KCNAB2: variants seen among roughly 807,000 people sequenced by gnomAD.
KCNAB2 encodes the protein voltage-gated potassium channel subunit beta-2.
Under a neutral mutation model 63.6 loss-of-function variants are expected in KCNAB2, and 29 were observed. The ratio of observed to expected loss-of-function variants is 0.46; its 90% CI spans 0.34 to 0.62. The LOEUF is 0.62. Ranked by LOEUF, KCNAB2 falls within the 20% of genes least tolerant of loss-of-function variation. The pLI is 0.01. For synonymous variants in KCNAB2, 222 were observed against 224.2 expected, an observed-to-expected ratio of 0.99 and a Z score of 0.09; for missense variants, 359 against 563.9, an observed-to-expected ratio of 0.64 and a Z score of 3.68.
At chr1:6,038,884 G>T (rs1182448750) in intron 1 of KCNAB2, among the ~76,000 whole-genome samples, 2 of 152,378 alleles carry the variant, frequency 1.3e-5, no homozygotes, top group Middle Eastern at 3.4e-3. Context: ...GCTGTTTTGA[G>T]CCCAGACCAT....
rs546075792 is a variant in KCNAB2 at position 6,005,922 on chromosome 1, C to A, written c.-53+13134C>A. 3.3e-4 allele frequency among the ~76,000 whole-genome samples: 32 copies of A among 97,142 alleles called. No individual in the cohort carries two copies. In the South Asian group the frequency reaches 7.9e-3, roughly 24 times the overall value. The allele number at this position is 97,142 out of a possible 152,430, so 63.7% of individuals were successfully genotyped here. A position where few individuals can be genotyped will look rare whatever the true frequency, so the allele number is the denominator to read the frequency against. On this transcript the variant is annotated intron_variant, in intron 1 of 16. Coordinates refer to the KCNAB2 transcript ENST00000341524. ...TCACCCCTCAGCTCAGCTCCCACATCCCCCCACTCCACCCTCACCCCTCAG... is the reference window on the plus strand; with the variant it reads ...TCACCCCTCAGCTCAGCTCCCACATACCCCCACTCCACCCTCACCCCTCAG...
In KCNAB2 at chr1:5,994,013, G is replaced by A. The variant is rs186884342; in HGVS notation, c.-53+1225G>A. 1.3e-5 allele frequency among the ~76,000 whole-genome samples: 2 copies of A among 152,304 alleles called. No homozygotes were observed. The highest frequency in any genetic ancestry group is 2.4e-5 in the African/African-American group (1 of 41,564). ...CCCTGTGTTGAACTGTGTCCAAGGG[G>A]AGATGACATAAGTAATAGCTCTTGG... On this transcript the variant is annotated intron_variant, in intron 1 of 16. Transcript: ENST00000341524. This position sits in a 1 kb window ranked among gnomAD's most constrained non-coding sequence, Gnocchi z 5.4.
intron 10 of KCNAB2, among the ~76,000 whole-genome samples, chr1:6,093,420 T>C (rs557016410): frequency 9.7e-4 from 148 of 152,334 alleles, no homozygotes; most frequent in Non-Finnish European, 1.7e-3. Flanking sequence ...AATATCCCCA[T>C]GAGGCTGAGA....
In KCNAB2 at chr1:6,098,740, CCACT is replaced by C. The variant is rs1665848828; in HGVS notation, c.*167_*170del. On this transcript the variant is annotated 3_prime_UTR_variant, in exon 16 of 16. Transcript: ENST00000378083. Reference sequence around the variant, plus strand: ...CTCCCAAGTCGCTGCCAGACACCACCCACTGCTTCGCCGGACAATGTCGAAGTCC... The same window carrying C: ...CTCCCAAGTCGCTGCCAGACACCACCGCTTCGCCGGACAATGTCGAAGTCC... 1 of 838,334 alleles carries C rather than the reference CCACT, an allele frequency of 1.2e-6. No individual in the cohort carries two copies. The highest frequency in any genetic ancestry group is 2.7e-5 in the Admixed American group (1 of 36,688). 51.9% of individuals were successfully genotyped at this position (838,334 alleles called of 1,614,324 possible).
chr1:6,065,700 T>C (rs1396832567), intron 2 of KCNAB2, among the ~76,000 whole-genome samples: 5 of 152,090 alleles, frequency 3.3e-5, no homozygotes, highest in Non-Finnish European at 7.4e-5. Context: ...CCCAACACTT[T>C]TGGAGACTGT....
At chr1:6,089,947 C>A (rs1665044926) in intron 8 of KCNAB2, among the ~76,000 whole-genome samples, 1 of 152,246 alleles carries the variant, frequency 6.6e-6, no homozygotes, top group African/African-American at 2.4e-5. Context: ...AGTGATGCGC[C>A]CGCCTTGGCC....
At chr1:6,059,874 A>T (rs1265379747) in intron 2 of KCNAB2, among the ~76,000 whole-genome samples, 1 of 152,116 alleles carries the variant, frequency 6.6e-6, no homozygotes, top group African/African-American at 2.4e-5. Flanking sequence ...GGAAGCACAC[A>T]CATGGCCTGC....
chr1:6,084,469 A>G (rs1214825069), intron 5 of KCNAB2, among the ~76,000 whole-genome samples: 3 of 152,240 alleles, frequency 2.0e-5, no homozygotes, highest in African/African-American at 4.8e-5. Context: ...CCCTGAGTAC[A>G]TGTTGATTGT....
Position 6,065,634 on chromosome 1 carries a change from C to T in KCNAB2, c.219-7121C>T, listed in dbSNP as rs3789551. Among the ~76,000 whole-genome samples, 15 of 152,258 alleles carry T rather than the reference C, an allele frequency of 9.9e-5. No homozygotes were observed. In the East Asian group the frequency reaches 2.3e-3, roughly 24 times the overall value. ...CCTCCCTTCTCCAGTCCAAGGAAGGCGGGTGTGCTCATCACCCGTCACTCA... is the reference window on the plus strand; with the variant it reads ...CCTCCCTTCTCCAGTCCAAGGAAGGTGGGTGTGCTCATCACCCGTCACTCA... On this transcript the variant is annotated intron_variant, in intron 2 of 15. Transcript: ENST00000378083.
chr1:6,019,195 G>A (rs1292521671), intron 1 of KCNAB2, among the ~76,000 whole-genome samples: 3 of 152,168 alleles, frequency 2.0e-5, no homozygotes, highest in Non-Finnish European at 2.9e-5. Context: ...GGGAGGCTGA[G>A]GCAGACGGAT....
chr1:6,009,320 C>T (rs934589086), intron 1 of KCNAB2, among the ~76,000 whole-genome samples: 2 of 152,224 alleles, frequency 1.3e-5, no homozygotes, highest in Non-Finnish European at 2.9e-5. Flanking sequence ...CCCAGCAGAT[C>T]GCTGGGTACA....
chr1:6,042,674 C>T (rs1017940688), upstream of KCNAB2, among the ~76,000 whole-genome samples: 2 of 152,190 alleles, frequency 1.3e-5, no homozygotes, highest in African/African-American at 4.8e-5. Context: ...GGCAGCAGGT[C>T]CCTGGTATGC....
chr1:6,088,609 C>G (rs937485487), intron 7 of KCNAB2, among the ~76,000 whole-genome samples: 3 of 151,972 alleles, frequency 2.0e-5, no homozygotes, highest in Non-Finnish European at 2.9e-5. Context: ...TCTTGAACTC[C>G]TGGGCTCAAG....
chr1:6,007,977 A>T lies in KCNAB2; in HGVS notation c.-53+15189A>T, dbSNP rs562398673. On this transcript the variant is annotated intron_variant, in intron 1 of 16. Coordinates refer to the KCNAB2 transcript ENST00000341524. ...GGTGGGGTCTGGCTCCCCTCAGTTC[A>T]AAGTGGCCTGCAGATGCTGCCTGGA... 2.6e-5 allele frequency among the ~76,000 whole-genome samples: 4 copies of T among 152,248 alleles called. No individual in the cohort carries two copies. The East Asian group carries it at 7.7e-4, about 29-fold the overall frequency.
chr1:6,066,197 C>T (rs1408887599), intron 2 of KCNAB2, among the ~76,000 whole-genome samples: 1 of 152,218 alleles, frequency 6.6e-6, no homozygotes, highest in African/African-American at 2.4e-5. Context: ...CATGGTGGCC[C>T]GGAGCCTGGG....
chr1:6,052,582 C>G (rs1396732570), intron 2 of KCNAB2, among the ~76,000 whole-genome samples: 1 of 152,234 alleles, frequency 6.6e-6, no homozygotes. Context: ...AAAGGACATT[C>G]TTTTTAGTGC....
At chr1:6,014,552 G>A (rs4908697) in intron 1 of KCNAB2, among the ~76,000 whole-genome samples, 18,709 of 152,272 alleles carry the variant, frequency 0.12, 1,471 homozygotes, top group Middle Eastern at 0.19. Context: ...TGGCATTAGA[G>A]ACAGCAGCCT....
chr1:6,087,365 G>A lies in KCNAB2; in HGVS notation c.426-102G>A. On this transcript the variant is annotated intron_variant, in intron 6 of 15. Coordinates refer to ENST00000378083, the MANE Select transcript of KCNAB2 (RefSeq NM_001199862.2). The surrounding 1 kb of genome is among the most constrained non-coding windows in gnomAD (Gnocchi z 6.4). ...CATGCCCCAGGCTCCTGGGTGGGAG[G>A]GCTTTCAGGACCTCTGTGTGAGAGA... 7.8e-7 allele frequency: 1 copy of A among 1,274,618 alleles called. No individual in the cohort carries two copies. The highest frequency in any genetic ancestry group is 1.2e-5 in the South Asian group (1 of 83,940). The allele number at this position is 1,274,618 out of a possible 1,614,324, so 79.0% of individuals were successfully genotyped here. A position where few individuals can be genotyped will look rare whatever the true frequency, so the allele number is the denominator to read the frequency against.
rs528366629 is a variant in KCNAB2, at chr1:6,083,410, C to G, written c.380+1136C>G. 5.3e-5 allele frequency among the ~76,000 whole-genome samples: 8 copies of G among 152,350 alleles called. No homozygotes were observed. The East Asian group carries it at 1.5e-3, about 29-fold the overall frequency. ...CACACCCCATGTCACAGCAGCCACA[C>G]TCCGTCCTCTGTCACTCGCAGTTTC... On this transcript the variant is annotated intron_variant, in intron 5 of 15. Coordinates refer to ENST00000378083, the MANE Select transcript of KCNAB2 (RefSeq NM_001199862.2).
Sources: gnomAD v4.1 joint callset for allele counts (sites outside exome capture counted in the v4.1 genomes callset) on GRCh38, gnomAD v4.1.1 for gene constraint, Gnocchi (gnomAD v3.1) non-coding constraint, MANE v1.5 for transcripts, NCBI Gene and HGNC (gene_info 2026-07-23, HGNC 2026-07-21) for gene names.